GRIPAP1: variants seen among roughly 807,000 people sequenced by gnomAD.
GRIPAP1 encodes GRIP1 associated protein 1.
Under a neutral mutation model 84.1 loss-of-function variants are expected in GRIPAP1, and 14 were observed. That is an observed-to-expected ratio of 0.17 (90% CI 0.11 to 0.26). The LOEUF (loss-of-function observed/expected upper bound fraction) is 0.26. Ranked by LOEUF, GRIPAP1 falls within the 10% of genes least tolerant of loss-of-function variation. GRIPAP1 has a pLI of 1.00. For synonymous variants in GRIPAP1, 261 were observed against 256.8 expected, an observed-to-expected ratio of 1.02 and a Z score of -0.15; for missense variants, 518 against 674.2, an observed-to-expected ratio of 0.77 and a Z score of 2.57.
chrX:48,986,864 T>C (rs1350809612), intron 13 of GRIPAP1, among the ~76,000 whole-genome samples: 1 of 109,999 alleles, frequency 9.1e-6, no homozygotes, highest in Non-Finnish European at 1.9e-5. Flanking sequence ...TTTTGTTTTT[T>C]TGAGACAGAG....
intron 13 of GRIPAP1, among the ~76,000 whole-genome samples, chrX:48,985,964 C>T (rs1023516669): frequency 9.0e-6 from 1 of 111,070 alleles, no homozygotes; most frequent in Non-Finnish European, 1.9e-5. Context: ...AAGCAGAAGC[C>T]GGGCGCGGTG....
chrX:48,980,225 T>TTGTGTGTGTGTG (rs781796368), intron 21 of GRIPAP1, among the ~76,000 whole-genome samples: 4 of 90,550 alleles, frequency 4.4e-5, no homozygotes, highest in African/African-American at 1.6e-4. Context: ...GCAACTAAAG[T>TTGTGTGTGTGTG]TGTGTGTGTG....
intron 1 of GRIPAP1, chrX:49,001,096 A>G (rs1941253620): frequency 9.2e-6 from 1 of 109,034 alleles, no homozygotes; most frequent in African/African-American, 3.4e-5. Context: ...AGATCTCCCC[A>G]GTCATGATCC....
chrX:48,994,627 A>G (rs2064537772), intron 5 of GRIPAP1, among the ~76,000 whole-genome samples: 1 of 111,959 alleles, frequency 8.9e-6, no homozygotes, highest in African/African-American at 3.2e-5. Context: ...TTGCCTTTAA[A>G]GTAGTATCCC....
chrX:48,993,699 T>C (rs2064532012), intron 5 of GRIPAP1, 121 bp from the exon 6 acceptor site: 2 of 464,662 alleles, frequency 4.3e-6, no homozygotes, highest in Middle Eastern at 4.3e-4. Context: ...CCCTATGATA[T>C]AGGTGCCCTC....
chrX:48,990,445 T>C (rs2064513714), intron 8 of GRIPAP1, among the ~76,000 whole-genome samples: 1 of 112,241 alleles, frequency 8.9e-6, no homozygotes, highest in South Asian at 3.7e-4. Flanking sequence ...AATGAGTGAA[T>C]GGGCAAAGCT....
chrX:48,973,867 C>T lies in GRIPAP1; in HGVS notation c.*326G>A, dbSNP rs1557059593. 8.2e-6 allele frequency: 1 copy of T among 122,045 alleles called. No homozygotes were observed. The highest frequency in any genetic ancestry group is 1.5e-5 in the Non-Finnish European group (1 of 68,257). The allele number at this position is 122,045 out of a possible 1,213,427, so 10.1% of individuals were successfully genotyped here. A position where few individuals can be genotyped will look rare whatever the true frequency, so the allele number is the denominator to read the frequency against. ...AAATGCAGAGTAGCCAGGCTCCAGA[C>T]ATAAATTAAAAAATAAAATAAAATA... On this transcript the variant is annotated 3_prime_UTR_variant, in exon 26 of 26. Transcript: ENST00000376423.
intron 21 of GRIPAP1, among the ~76,000 whole-genome samples, chrX:48,979,905 C>G (rs2064446499): frequency 9.0e-6 from 1 of 111,594 alleles, no homozygotes; most frequent in South Asian, 3.7e-4. Flanking sequence ...TCCCAAGATT[C>G]TTACATTCAT....
At chrX:48,985,215 C>T in intron 14 of GRIPAP1, 53 bp downstream of exon 14, 1 of 1,132,494 alleles carries the variant, frequency 8.8e-7, no homozygotes, top group Non-Finnish European at 1.2e-6. Flanking sequence ...GGGGACTTCA[C>T]TGGGCCATTA....
In GRIPAP1 at chrX:48,974,017, T is replaced by A; in HGVS notation, c.*176A>T. 2.8e-6 allele frequency: 1 copy of A among 363,183 alleles called. No individual in the cohort carries two copies. The highest frequency in any genetic ancestry group is 4.9e-6 in the Non-Finnish European group (1 of 204,269). The allele number at this position is 363,183 out of a possible 1,213,427, so 29.9% of individuals were successfully genotyped here. ...TTCCCTCAGGATCCCCACTCCCTGG[T>A]GGCCTCTGCCCTAAGACAGGATCAT... On this transcript the variant is annotated 3_prime_UTR_variant, in exon 26 of 26. Transcript: ENST00000376423.
At chrX:48,977,738 C>T (rs1403343569) in intron 22 of GRIPAP1, 4 of 108,199 alleles carry the variant, frequency 3.7e-5, no homozygotes, top group African/African-American at 1.4e-4. Flanking sequence ...AGTTTTACCA[C>T]GTTTCCCAGG....
chrX:48,999,333 G>A (rs1557067709), intron 2 of GRIPAP1, 34 bp from the exon 3 acceptor site: 1 of 1,169,889 alleles, frequency 8.5e-7, no homozygotes, highest in Admixed American at 2.2e-5. Context: ...CTCAGCCTCA[G>A]CCAGTGGCAA....
intron 4 of GRIPAP1, chrX:48,997,952 T>C (rs2064556669): frequency 4.7e-6 from 2 of 425,095 alleles, no homozygotes; most frequent in Non-Finnish European, 8.1e-6. Context: ...GAGAAAAGAA[T>C]GGAAAGAGAG....
rs1557065322 is a variant in GRIPAP1 at position 48,991,017 on chromosome X, A to G, written c.551T>C (p.Leu184Pro). Residue 184 changes from leucine (L) to proline (P), a missense_variant, in exon 7 of 26, where the codon CTG becomes CCG. Leu to Pro is a moderately conservative substitution (Grantham distance 98). Transcript: ENST00000376423. ...DPPGGLAPTVLAPMPLAEVEL... is the reference protein window; with the variant it reads ...DPPGGLAPTVPAPMPLAEVEL... Reference sequence around the variant, plus strand: ...CACCTCTGCCAACGGCATGGGGGCCAGGACGGTGGGGGCCAGGCCCCCTGG... The same window carrying G: ...CACCTCTGCCAACGGCATGGGGGCCGGGACGGTGGGGGCCAGGCCCCCTGG... 2.5e-6 allele frequency: 3 copies of G among 1,189,918 alleles called. No homozygotes were observed. The highest frequency in any genetic ancestry group is 1.8e-5 in the South Asian group (1 of 55,626).
intron 12 of GRIPAP1, 77 bp from the exon 13 acceptor site, chrX:48,987,954 GACAC>G (rs781921365): frequency 0.065 from 22,078 of 339,842 alleles, 165 homozygotes; most frequent in Middle Eastern, 0.083. Flanking sequence ...AGAAAGAAAG[GACAC>G]ACACACACAC....
At position 48,975,274 on chromosome X, in the gene GRIPAP1, C is replaced by T. The variant is rs371338539; in HGVS notation, c.2314G>A (p.Gly772Arg). ...SVAAGHTDRSGLGSVLRDLVK... is the reference protein window; with the variant it reads ...SVAAGHTDRSRLGSVLRDLVK... Reference sequence around the variant, plus strand: ...AGGTCTCTCAGGACGCTGCCCAGCCCGCTGCGGTCTGTGTGGCCTGCTGCC... The same window carrying T: ...AGGTCTCTCAGGACGCTGCCCAGCCTGCTGCGGTCTGTGTGGCCTGCTGCC... The change falls in exon 25 of 26, where the codon GGG becomes AGG. Residue 772 changes from glycine (G) to arginine (R), a missense_variant. Transcript: ENST00000376423. The T allele has an allele frequency of 2.1e-5, 26 of 1,209,455 alleles. No individual in the cohort carries two copies. Among genetic ancestry groups the T allele is most frequent in the East Asian group, 3.0e-5 (1 of 33,719 alleles).
chrX:48,975,946 G>T, intron 24 of GRIPAP1, 72 bp downstream of exon 24: 1 of 880,400 alleles, frequency 1.1e-6, no homozygotes, highest in Non-Finnish European at 1.7e-6. Flanking sequence ...GAGAGAAGCC[G>T]CAGCACAGAA....
intron 20 of GRIPAP1, 44 bp downstream of exon 20, chrX:48,981,372 C>T: frequency 8.3e-7 from 1 of 1,202,466 alleles, no homozygotes; most frequent in Non-Finnish European, 1.1e-6. Flanking sequence ...AGGAGGGAGG[C>T]TACAGGTAGG....
At position 48,974,097 on chromosome X, in the gene GRIPAP1, T is replaced by C. The variant is rs928831515; in HGVS notation, c.*96A>G. 1.9e-5 allele frequency: 10 copies of C among 530,875 alleles called. No homozygotes were observed. The highest frequency in any genetic ancestry group is 3.1e-5 in the Admixed American group (1 of 32,566). The allele number at this position is 530,875 out of a possible 1,213,427, so 43.8% of individuals were successfully genotyped here. A position where few individuals can be genotyped will look rare whatever the true frequency, so the allele number is the denominator to read the frequency against. The stretch of plus-strand genomic sequence containing the variant: ...TTAATGTCCAGTCTCCCAAGCTATT[T>C]GATTTTGGCTCCAGCCCTCATTTTT... On this transcript the variant is annotated 3_prime_UTR_variant, in exon 26 of 26. Coordinates refer to ENST00000376423, the MANE Select transcript of GRIPAP1 (RefSeq NM_020137.5).
Sources: gnomAD v4.1 joint callset for allele counts (sites outside exome capture counted in the v4.1 genomes callset) on GRCh38, gnomAD v4.1.1 for gene constraint, MANE v1.5 for transcripts, NCBI Gene and HGNC (gene_info 2026-07-23, HGNC 2026-07-21) for gene names.